Variants in SLC4A5 observed in about 807,000 individuals in gnomAD.
The protein encoded by SLC4A5 is electrogenic sodium bicarbonate cotransporter 4.
Under a neutral mutation model 120.4 loss-of-function variants are expected in SLC4A5, and 96 were observed. That is an observed-to-expected ratio of 0.80 (90% CI 0.68 to 0.94). The LOEUF (loss-of-function observed/expected upper bound fraction) is 0.94, where lower values mean the gene tolerates loss of function less well. Ranked by LOEUF, SLC4A5 falls within the 40% of genes least tolerant of loss-of-function variation. The probability of loss-of-function intolerance (pLI) is 0.00; values close to 1 mark genes in which losing one functional copy is unlikely to be tolerated. For missense variants in SLC4A5, 1,259 were observed against 1,459.5 expected (o/e 0.86, Z 2.24); for synonymous variants, 550 against 571.1 (o/e 0.96, Z 0.53).
intron 7 of SLC4A5, among the ~76,000 whole-genome samples, chr2:74,295,826 G>A (rs1672308554): frequency 6.6e-6 from 1 of 152,162 alleles, no homozygotes; most frequent in Non-Finnish European, 1.5e-5. Flanking sequence ...TGAAAGCAGA[G>A]AACAGATGCC....
chr2:74,227,658 G>T, intron 26 of SLC4A5, 152 bp downstream of exon 26: 1 of 1,149,098 alleles, frequency 8.7e-7, no homozygotes, highest in Non-Finnish European at 1.3e-6. Flanking sequence ...GATAGCATCA[G>T]TAAGTGGTAG....
chr2:74,339,237 A>C (rs1246357921), intron 2 of SLC4A5: 1 of 152,192 alleles, frequency 6.6e-6, no homozygotes, highest in East Asian at 1.9e-4. Context: ...TTTTAGAAAT[A>C]TTGTTAGGGG....
chr2:74,235,407 C>T (rs558834158), intron 21 of SLC4A5, among the ~76,000 whole-genome samples, 193 bp from the exon 22 acceptor site: 1 of 152,314 alleles, frequency 6.6e-6, no homozygotes, highest in African/African-American at 2.4e-5. Flanking sequence ...CTCTCCAAGA[C>T]TCAATTTCCT....
chr2:74,254,502 T>C (rs892744944), intron 14 of SLC4A5, 117 bp downstream of exon 14: 5 of 764,778 alleles, frequency 6.5e-6, no homozygotes, highest in Non-Finnish European at 1.1e-5. Context: ...TCCTATGTAG[T>C]GCCTGGTACA....
chr2:74,229,891 T>TC (rs1219302264), intron 25 of SLC4A5, among the ~76,000 whole-genome samples: 1 of 151,738 alleles, frequency 6.6e-6, no homozygotes, highest in East Asian at 1.9e-4. Context: ...GTTTTTTTTT[T>TC]TTTTTTTTGA....
chr2:74,262,468 G>A (rs912687437), intron 10 of SLC4A5, among the ~76,000 whole-genome samples: 2 of 151,826 alleles, frequency 1.3e-5, no homozygotes, highest in Non-Finnish European at 2.9e-5. Flanking sequence ...GGGAGGCTGA[G>A]GTGGGTGGAT....
exon 27 of SLC4A5, chr2:74,227,056 C>T (rs754177091): frequency 6.8e-6 from 11 of 1,614,132 alleles, no homozygotes; most frequent in Middle Eastern, 1.6e-4. Flanking sequence ...TCCGGCGCAG[C>T]GGCACGTGCC....
Position 74,233,431 on chromosome 2 carries a change from T to C in SLC4A5, c.2566A>G (p.Ile856Val), listed in dbSNP as rs754029283. 50 of 1,614,234 alleles carry C rather than the reference T, an allele frequency of 3.1e-5. No homozygotes were observed. The South Asian group carries it at 5.4e-4, about 17-fold the overall frequency. The change falls in exon 23 of 31, where the codon ATT becomes GTT. Residue 856 changes from isoleucine (I) to valine (V), a missense_variant. Ile to Val is a conservative substitution (Grantham distance 29). Transcript: ENST00000394019. ...AGTTTGTTCTCCTTCCGGTTGACAA[T>C]GACGGCAGTGATCTGCTGGTCCATG...
chr2:74,244,248 G>T (rs573564911), intron 19 of SLC4A5, among the ~76,000 whole-genome samples: 1 of 152,042 alleles, frequency 6.6e-6, no homozygotes, highest in Non-Finnish European at 1.5e-5. Context: ...GGTCAATAAC[G>T]GCCCATTATT....
At chr2:74,311,581 T>C (rs1268608301) in intron 6 of SLC4A5, among the ~76,000 whole-genome samples, 3 of 152,218 alleles carry the variant, frequency 2.0e-5, no homozygotes, top group Non-Finnish European at 4.4e-5. Context: ...TAGAAGTGTA[T>C]TGTTTAATCT....
intron 2 of SLC4A5, among the ~76,000 whole-genome samples, chr2:74,342,105 CAA>C (rs1403083353): frequency 6.6e-6 from 1 of 152,146 alleles, no homozygotes; most frequent in Non-Finnish European, 1.5e-5. Context: ...GCTCAAGAAA[CAA>C]AGTTTTCTAC....
At chr2:74,265,620 GAAC>G (rs1671278807) in intron 8 of SLC4A5, among the ~76,000 whole-genome samples, 1 of 152,160 alleles carries the variant, frequency 6.6e-6, no homozygotes, top group South Asian at 2.1e-4. Flanking sequence ...AGTTATTCTA[GAAC>G]AATAAAGCTG....
intron 8 of SLC4A5, among the ~76,000 whole-genome samples, chr2:74,285,155 G>A (rs1671942160): frequency 6.6e-6 from 1 of 152,180 alleles, no homozygotes; most frequent in South Asian, 2.1e-4. Context: ...TGAAGCGGGA[G>A]GATCACTTGA....
intron 2 of SLC4A5, among the ~76,000 whole-genome samples, chr2:74,341,652 GAC>G (rs1239579522): frequency 6.6e-6 from 1 of 152,168 alleles, no homozygotes; most frequent in Non-Finnish European, 1.5e-5. Context: ...CACTGTGCCC[GAC>G]ACAGAGCAAG....
chr2:74,221,508 G>A lies in SLC4A5; in HGVS notation c.3332-7C>T. 6.2e-7 allele frequency: 1 copy of A among 1,614,066 alleles called. No individual in the cohort carries two copies. Among genetic ancestry groups the A allele is most frequent in the Non-Finnish European group, 8.5e-7 (1 of 1,179,898 alleles). ...CAACTGGAAGATCTTTTTCCTGGCA[G>A]GAAAATGAAAAATGTCAGATGTGGA... On this transcript the variant is annotated splice_region_variant and splice_polypyrimidine_tract_variant and intron_variant, in intron 29 of 30. Coordinates refer to ENST00000394019, the Ensembl canonical transcript of SLC4A5.
At chr2:74,290,271 G>T in intron 7 of SLC4A5, 1 of 985,594 alleles carries the variant, frequency 1.0e-6, no homozygotes, top group Non-Finnish European at 1.2e-6. Context: ...TGAGCGCTGG[G>T]GTCCCTGGCT....
At chr2:74,223,256 C>T (rs889153740) in intron 28 of SLC4A5, among the ~76,000 whole-genome samples, 27 of 152,128 alleles carry the variant, frequency 1.8e-4, no homozygotes, top group Admixed American at 1.3e-3. Flanking sequence ...CCCCCTGCCT[C>T]GGCCTCCCAA....
chr2:74,307,275 A>G, intron 6 of SLC4A5: 2 of 521,540 alleles, frequency 3.8e-6, no homozygotes, highest in Non-Finnish European at 7.1e-6. Context: ...GTCTGCCATG[A>G]TCTTATCAAC....
chr2:74,305,640 T>C (rs1004711524), intron 6 of SLC4A5, among the ~76,000 whole-genome samples: 5 of 151,890 alleles, frequency 3.3e-5, no homozygotes, highest in African/African-American at 1.2e-4. Flanking sequence ...ATATATCATA[T>C]AGAATAGCTT....
Sources: gnomAD v4.1 joint callset for allele counts (sites outside exome capture counted in the v4.1 genomes callset) on GRCh38, gnomAD v4.1.1 for gene constraint, MANE v1.5 for transcripts, NCBI Gene and HGNC (gene_info 2026-07-23, HGNC 2026-07-21) for gene names.